TMEM255A: variants seen among roughly 807,000 people sequenced by gnomAD.
TMEM255A encodes transmembrane protein 255A, also known as family with sequence similarity 70, member A.
TMEM255A carries 14 observed loss-of-function variants against 23.5 expected under a neutral mutation model. The ratio of observed to expected loss-of-function variants is 0.60; its 90% CI spans 0.39 to 0.93. TMEM255A has a LOEUF of 0.93. Among genes scored for constraint, TMEM255A ranks in the 40% least tolerant of loss-of-function variants. The pLI is 0.00. For missense variants in TMEM255A, 233 were observed against 261.7 expected, an observed-to-expected ratio of 0.89 and a Z score of 0.76; for synonymous variants, 104 against 100.3, an observed-to-expected ratio of 1.04 and a Z score of -0.22.
At chrX:120,264,186 T>G (rs2147178701) in intron 8 of TMEM255A, among the ~76,000 whole-genome samples, 1 of 111,513 alleles carries the variant, frequency 9.0e-6, no homozygotes, top group Admixed American at 9.5e-5. Context: ...CTGGGTTTAA[T>G]TTCCCAGCAG....
chrX:120,270,305 GTGTGTGTATGTGTATTTC>G (rs1275184523), intron 7 of TMEM255A, among the ~76,000 whole-genome samples: 122 of 110,797 alleles, frequency 1.1e-3, no homozygotes, highest in African/African-American at 3.6e-3. Flanking sequence ...TTGTGTGTGT[GTGTGTGTATGTGTATTTC>G]TGTTAGAATT....
intron 3 of TMEM255A, among the ~76,000 whole-genome samples, chrX:120,292,426 A>G (rs1397277970): frequency 3.6e-5 from 4 of 110,730 alleles, no homozygotes; most frequent in Non-Finnish European, 7.6e-5. Context: ...GGGAGATCAC[A>G]TGGCATCAAG....
At chrX:120,269,141 T>G (rs556544308) in intron 7 of TMEM255A, among the ~76,000 whole-genome samples, 1 of 103,454 alleles carries the variant, frequency 9.7e-6, no homozygotes, top group African/African-American at 3.5e-5. Flanking sequence ...TTTTTTTTTT[T>G]GCAAATAAAA....
intron 8 of TMEM255A, among the ~76,000 whole-genome samples, chrX:120,267,824 C>T (rs1027549569): frequency 9.0e-6 from 1 of 111,474 alleles, no homozygotes; most frequent in Admixed American, 9.5e-5. Flanking sequence ...GCTCAGAATG[C>T]CCTTGTGTTA....
intron 1 of TMEM255A, chrX:120,310,040 A>G (rs932935151): frequency 9.0e-6 from 1 of 110,842 alleles, no homozygotes; most frequent in Non-Finnish European, 1.9e-5. Context: ...GGGAGATTAT[A>G]TAGGGGGTTC....
chrX:120,276,276 G>GAC (rs370333365), intron 7 of TMEM255A, among the ~76,000 whole-genome samples: 2,328 of 111,980 alleles, frequency 0.021, 65 homozygotes, highest in African/African-American at 0.071. Context: ...TGCCTTTGCA[G>GAC]ACACACACAC....
chrX:120,271,526 A>G (rs1473542631), intron 7 of TMEM255A, among the ~76,000 whole-genome samples: 2 of 111,888 alleles, frequency 1.8e-5, no homozygotes, highest in African/African-American at 6.5e-5. Flanking sequence ...TCCTCAGGAG[A>G]TCAAAGATAA....
At chrX:120,253,355 A>T in the TMEM255A span, 1 of 997,529 alleles carries the variant, frequency 1.0e-6, no homozygotes, top group Non-Finnish European at 1.4e-6. Flanking sequence ...AATTCTAAAT[A>T]AGTACTTTTG....
chrX:120,297,117 TA>T (rs1486516911), intron 2 of TMEM255A, among the ~76,000 whole-genome samples: 1 of 34,146 alleles, frequency 2.9e-5, no homozygotes, highest in Non-Finnish European at 4.4e-5. Context: ...TATTATATTA[TA>T]TTATAATATA....
At chrX:120,271,111 C>G (rs1464256561) in intron 7 of TMEM255A, among the ~76,000 whole-genome samples, 1 of 111,587 alleles carries the variant, frequency 9.0e-6, no homozygotes, top group South Asian at 3.8e-4. Flanking sequence ...ATGCTCGGTA[C>G]TTCCCTTGCT....
intron 2 of TMEM255A, among the ~76,000 whole-genome samples, chrX:120,297,390 GAGGAGAC>G (rs2058003834): frequency 9.6e-6 from 1 of 104,449 alleles, no homozygotes; most frequent in Non-Finnish European, 1.9e-5. Context: ...TTTCATAGAG[GAGGAGAC>G]ATTTTTGTAT....
chrX:120,300,979 C>A (rs12834731), intron 2 of TMEM255A, among the ~76,000 whole-genome samples: 1 of 110,979 alleles, frequency 9.0e-6, no homozygotes, highest in Non-Finnish European at 1.9e-5. Flanking sequence ...ACCTCAGCCT[C>A]CCTAAGTGCT....
At chrX:120,289,483 C>G (rs1281167448) in intron 4 of TMEM255A, among the ~76,000 whole-genome samples, 1 of 111,757 alleles carries the variant, frequency 8.9e-6, no homozygotes, top group Non-Finnish European at 1.9e-5. Flanking sequence ...CTGCTTCATA[C>G]CCACTAGGAT....
intron 2 of TMEM255A, among the ~76,000 whole-genome samples, chrX:120,296,250 A>G (rs2057954012): frequency 9.0e-6 from 1 of 111,397 alleles, no homozygotes; most frequent in South Asian, 3.7e-4. Context: ...TCTCATGGCA[A>G]ATAACTCTCT....
At chrX:120,287,311 AC>A (rs782112058) in intron 4 of TMEM255A, 89 bp from the exon 5 acceptor site, 11,470 of 414,579 alleles carry the variant, frequency 0.028, 21 homozygotes, top group Non-Finnish European at 0.036. Context: ...GTTTGAATAC[AC>A]ACACACACAC....
chrX:120,285,210 G>C lies in TMEM255A; in HGVS notation c.429C>G (p.Asn143Lys). The C allele has an allele frequency of 1.7e-6, 2 of 1,206,528 alleles. No individual in the cohort carries two copies. Among genetic ancestry groups the C allele is most frequent in the Non-Finnish European group, 2.2e-6 (2 of 890,605 alleles). ...AGAATTCACGGCTGAGGTGAGGGCAGTTAACCTGACGGTATATAACAGTGA... is the reference window on the plus strand; with the variant it reads ...AGAATTCACGGCTGAGGTGAGGGCACTTAACCTGACGGTATATAACAGTGA... Reference protein sequence around the residue: ...KTSQKEAEEVNCPHLSREFCT... With the variant: ...KTSQKEAEEVKCPHLSREFCT... The change falls in exon 6 of 9, where the codon AAC (asparagine) becomes AAG (lysine). Residue 143 changes from asparagine to lysine, a missense_variant. Transcript: ENST00000371369.
Position 120,268,038 on chromosome X carries a change from CT to C in TMEM255A, c.819+205del, listed in dbSNP as rs2057728978. ...TCTCTCTGTTTCTTCTCTTGCGCAG[CT>C]TCCACCCGCCCATCTCTGCCATCGT... On this transcript the variant is annotated intron_variant, in intron 8 of 8. Coordinates refer to ENST00000371369, the MANE Select transcript of TMEM255A (RefSeq NM_001104544.3). Among the ~76,000 whole-genome samples, 5 of 111,379 alleles carry C rather than the reference CT, an allele frequency of 4.5e-5. No individual in the cohort carries two copies. The South Asian group carries it at 1.9e-3, about 42-fold the overall frequency.
At chrX:120,266,153 CAA>C (rs782105722) in intron 8 of TMEM255A, among the ~76,000 whole-genome samples, 22 of 75,232 alleles carry the variant, frequency 2.9e-4, no homozygotes, top group Admixed American at 3.1e-4. Flanking sequence ...GACTCTGTCT[CAA>C]AAAAAAAAAA....
downstream of TMEM255A, chrX:120,254,420 A>AGAT (rs782103222): frequency 5.0e-6 from 6 of 1,211,297 alleles, no homozygotes; most frequent in Non-Finnish European, 6.7e-6. Context: ...AGGAAATAAT[A>AGAT]GATGATGATG....
Sources: gnomAD v4.1 joint callset for allele counts (sites outside exome capture counted in the v4.1 genomes callset) on GRCh38, gnomAD v4.1.1 for gene constraint, MANE v1.5 for transcripts, NCBI Gene and HGNC (gene_info 2026-07-23, HGNC 2026-07-21) for gene names.